The following TAOK1 variants were observed in gnomAD, a reference collection of about 807,000 sequenced individuals.
TAOK1 encodes the protein serine/threonine-protein kinase TAO1.
TAOK1 carries 21 observed loss-of-function variants against 138.3 expected under a neutral mutation model. The observed-to-expected ratio is 0.15, with a 90% CI of 0.11 to 0.22. The LOEUF is 0.22. Ranked by LOEUF, TAOK1 falls within the 10% of genes least tolerant of loss-of-function variation. The pLI is 1.00. For missense variants in TAOK1, 651 were observed against 1,227.7 expected, an observed-to-expected ratio of 0.53 and a Z score of 7.02; for synonymous variants, 361 against 398.4, an observed-to-expected ratio of 0.91 and a Z score of 1.12.
At chr17:29,499,265 C>A in intron 12 of TAOK1, among the ~76,000 whole-genome samples, 1 of 136,710 alleles carries the variant, frequency 7.3e-6, no homozygotes, top group Non-Finnish European at 1.5e-5. Context: ...GAGTCTCACT[C>A]TGTCACCCAG....
intron 1 of TAOK1, among the ~76,000 whole-genome samples, chr17:29,450,853 A>G (rs1014360700): frequency 1.9e-4 from 29 of 152,180 alleles, no homozygotes; most frequent in African/African-American, 6.0e-4. Flanking sequence ...TCTGATATAA[A>G]GGAATTGATA....
chr17:29,496,609 A>G (rs1170043371), intron 11 of TAOK1, among the ~76,000 whole-genome samples: 1 of 126,062 alleles, frequency 7.9e-6, no homozygotes, highest in Non-Finnish European at 1.6e-5. Flanking sequence ...TTTTTTAAAG[A>G]CAGGGTCTTG....
chr17:29,430,401 C>T (rs769865859), intron 1 of TAOK1, among the ~76,000 whole-genome samples: 4 of 152,128 alleles, frequency 2.6e-5, no homozygotes, highest in African/African-American at 7.2e-5. Context: ...TGTGAAGTTA[C>T]AAAGGTCACA....
chr17:29,452,792 A>G (rs1004556802), intron 2 of TAOK1, among the ~76,000 whole-genome samples: 2 of 152,224 alleles, frequency 1.3e-5, no homozygotes, highest in African/African-American at 4.8e-5. Flanking sequence ...AGCTTCATCC[A>G]TATTGCAGTA....
In TAOK1 at chr17:29,548,885, CAG is replaced by C. The variant is rs1491126141; in HGVS notation, c.*5864_*5865del. On this transcript the variant is annotated 3_prime_UTR_variant, in exon 20 of 20. Transcript: ENST00000261716. The stretch of plus-strand genomic sequence containing the variant: ...TTAGAATTAATACTTAAATGTTAAA[CAG>C]GGGGAAATGAAGCTTAATCATGGTC... The C allele has an allele frequency of 2.6e-5, 4 of 152,066 alleles. No individual in the cohort carries two copies. The highest frequency in any genetic ancestry group is 1.9e-4 in the East Asian group (1 of 5,198). The allele number at this position is 152,066 out of a possible 1,614,324, so 9.4% of individuals were successfully genotyped here. A position where few individuals can be genotyped will look rare whatever the true frequency, so the allele number is the denominator to read the frequency against.
At position 29,397,663 on chromosome 17, in the gene TAOK1, T is replaced by G. The variant is rs963378950; in HGVS notation, c.-95+6639T>G. On this transcript the variant is annotated intron_variant, in intron 1 of 19. Coordinates refer to ENST00000261716, the MANE Select transcript of TAOK1 (RefSeq NM_020791.4). The stretch of plus-strand genomic sequence containing the variant: ...ACATGTATATATGTATATTCATGTA[T>G]GATACATGTATACATGTATACATGT... 1.8e-5 allele frequency among the ~76,000 whole-genome samples: 2 copies of G among 108,520 alleles called. 1 individual carries two copies. Among genetic ancestry groups the G allele is most frequent in the Non-Finnish European group, 3.7e-5 (2 of 54,646 alleles). 71.2% of individuals were successfully genotyped at this position (108,520 alleles called of 152,430 possible).
At chr17:29,485,532 G>T (rs988775854) in intron 8 of TAOK1, among the ~76,000 whole-genome samples, 3 of 152,096 alleles carry the variant, frequency 2.0e-5, no homozygotes, top group African/African-American at 7.2e-5. Flanking sequence ...CCAGCTACTC[G>T]GGAGGCAGAG....
At chr17:29,472,573 C>CTT (rs34588170) in intron 3 of TAOK1, among the ~76,000 whole-genome samples, 5 of 111,746 alleles carry the variant, frequency 4.5e-5, no homozygotes, top group Admixed American at 9.5e-5. Context: ...TTCTTTCTTT[C>CTT]TTTTTTTTTT....
chr17:29,397,684 C>CATGTATGATACATGTATAT (rs1555555367), intron 1 of TAOK1, among the ~76,000 whole-genome samples: 47,189 of 126,754 alleles, frequency 0.37, 9,939 homozygotes, highest in East Asian at 0.87. Context: ...TACATGTATA[C>CATGTATGATACATGTATAT]ATGTATATTC....
chr17:29,411,426 C>T (rs1343213055), intron 1 of TAOK1, among the ~76,000 whole-genome samples: 1 of 151,610 alleles, frequency 6.6e-6, no homozygotes, highest in Non-Finnish European at 1.5e-5. Context: ...GAATCTCACT[C>T]TGTTGTCCAG....
At chr17:29,485,961 G>A (rs1215923911) in intron 8 of TAOK1, among the ~76,000 whole-genome samples, 1 of 152,134 alleles carries the variant, frequency 6.6e-6, no homozygotes, top group East Asian at 1.9e-4. Context: ...ACATGCACAA[G>A]ATAATAAGAA....
chr17:29,458,027 G>C (rs1182057709), intron 2 of TAOK1, among the ~76,000 whole-genome samples: 18 of 151,874 alleles, frequency 1.2e-4, no homozygotes, highest in Admixed American at 1.2e-3. Flanking sequence ...GGAGAACGGC[G>C]TGAACCCGGG....
At chr17:29,437,230 A>C (rs1254927876) in intron 1 of TAOK1, among the ~76,000 whole-genome samples, 2 of 150,896 alleles carry the variant, frequency 1.3e-5, no homozygotes, top group African/African-American at 4.9e-5. Flanking sequence ...CGCCCGGCTA[A>C]TTTTTGTATT....
chr17:29,427,825 G>A (rs1905692480), intron 1 of TAOK1, among the ~76,000 whole-genome samples: 1 of 151,464 alleles, frequency 6.6e-6, no homozygotes, highest in Non-Finnish European at 1.5e-5. Context: ...TGCTCAGGAG[G>A]TTGAGGCACG....
chr17:29,409,329 ATATATTTT>A (rs1169389434), intron 1 of TAOK1, among the ~76,000 whole-genome samples: 67 of 87,364 alleles, frequency 7.7e-4, no homozygotes, highest in African/African-American at 3.4e-3. Flanking sequence ...ATATATATAT[ATATATTTT>A]TTTTTTTTTT....
chr17:29,516,420 T>G (rs2031814970), intron 15 of TAOK1, among the ~76,000 whole-genome samples: 1 of 149,728 alleles, frequency 6.7e-6, no homozygotes, highest in African/African-American at 2.5e-5. Flanking sequence ...CTGCAACCTC[T>G]GCCTCCCAGG....
intron 2 of TAOK1, among the ~76,000 whole-genome samples, chr17:29,457,976 G>A (rs146735819): frequency 6.8e-4 from 103 of 152,140 alleles, no homozygotes; most frequent in African/African-American, 2.4e-3. Flanking sequence ...CGGGTGTGGT[G>A]GCGGACGCCT....
intron 8 of TAOK1, among the ~76,000 whole-genome samples, chr17:29,482,684 G>A (rs751430036): frequency 1.3e-5 from 2 of 151,438 alleles, no homozygotes; most frequent in Non-Finnish European, 2.9e-5. Flanking sequence ...GAAATTAGAT[G>A]TCAGACTGTC....
Position 29,543,184 on chromosome 17 carries a change from T to A in TAOK1, c.*162T>A. 1.5e-6 allele frequency: 1 copy of A among 658,366 alleles called. No individual in the cohort carries two copies. The highest frequency in any genetic ancestry group is 2.4e-6 in the Non-Finnish European group (1 of 412,630). 40.8% of individuals were successfully genotyped at this position (658,366 alleles called of 1,614,324 possible). A position where few individuals can be genotyped will look rare whatever the true frequency, so the allele number is the denominator to read the frequency against. ...GTAAAGCGTTCTGTTTTGTGTTTAC[T>A]AATTGGGATGTCATAGTACTTGGCT... On this transcript the variant is annotated 3_prime_UTR_variant, in exon 20 of 20. Coordinates refer to ENST00000261716, the MANE Select transcript of TAOK1 (RefSeq NM_020791.4).
Sources: gnomAD v4.1 joint callset for allele counts (sites outside exome capture counted in the v4.1 genomes callset) on GRCh38, gnomAD v4.1.1 for gene constraint, MANE v1.5 for transcripts, NCBI Gene and HGNC (gene_info 2026-07-23, HGNC 2026-07-21) for gene names.